Variants in VIPR2 observed in about 807,000 individuals in gnomAD.
VIPR2 encodes the protein vasoactive intestinal peptide receptor 2, also known as vasoactive intestinal polypeptide receptor 2.
A neutral mutation model predicts 58.0 loss-of-function variants in VIPR2; 48 were observed. The ratio of observed to expected loss-of-function variants is 0.83; its 90% CI spans 0.66 to 1.05. VIPR2 has a LOEUF of 1.05. VIPR2 is among the 50% of genes least tolerant of loss of function. VIPR2 has a pLI of 0.00. For synonymous variants in VIPR2, 243 were observed against 235.2 expected (o/e 1.03, Z -0.30); for missense variants, 534 against 558.0 (o/e 0.96, Z 0.43).
chr7:159,084,351 G>C (rs1585445034), intron 4 of VIPR2, among the ~76,000 whole-genome samples: 1 of 152,232 alleles, frequency 6.6e-6, no homozygotes, highest in Non-Finnish European at 1.5e-5. Context: ...GATGGGGCAG[G>C]CGGCTGGGCA....
At chr7:159,078,994 A>G (rs75105317) in intron 4 of VIPR2, among the ~76,000 whole-genome samples, 2,043 of 152,184 alleles carry the variant, frequency 0.013, 27 homozygotes, top group Admixed American at 0.029. Flanking sequence ...ACCAAGCAAC[A>G]ACCTGGAGGG....
At chr7:159,115,109 A>C (rs940949324) in intron 2 of VIPR2, among the ~76,000 whole-genome samples, 1 of 152,260 alleles carries the variant, frequency 6.6e-6, no homozygotes, top group Non-Finnish European at 1.5e-5. Flanking sequence ...AATTAAAAGG[A>C]GATGCAGTTA....
chr7:159,106,361 A>G (rs1010601832), intron 3 of VIPR2, among the ~76,000 whole-genome samples: 17 of 152,280 alleles, frequency 1.1e-4, no homozygotes, highest in African/African-American at 3.6e-4. Context: ...AGGACAGGAA[A>G]TGACTGAGGT....
intron 4 of VIPR2, among the ~76,000 whole-genome samples, chr7:159,102,618 G>T (rs982891682): frequency 1.3e-5 from 2 of 152,190 alleles, no homozygotes; most frequent in African/African-American, 4.8e-5. Context: ...AGCAAAGGAG[G>T]CCTCTGTAAG....
intron 10 of VIPR2, among the ~76,000 whole-genome samples, chr7:159,032,834 A>G (rs952052481): frequency 3.3e-5 from 5 of 152,074 alleles, no homozygotes; most frequent in Admixed American, 3.3e-4. Context: ...ATAGAAACTA[A>G]ACAAGATTCA....
rs569973171 is a variant in VIPR2, at chr7:159,126,378, A to G, written c.151+16068T>C. ...TTGCAAGTGATATGAGGAGAGCTAC[A>G]TCTATGCATTCGCCAAGCTGGGTAT... is the stretch of plus-strand genomic sequence containing the variant. On this transcript the variant is annotated intron_variant, in intron 2 of 12. Transcript: ENST00000262178. Among the ~76,000 whole-genome samples, 11 of 152,390 alleles carry G rather than the reference A, an allele frequency of 7.2e-5. 1 individual carries two copies. The South Asian group carries it at 2.1e-3, about 29-fold the overall frequency.
intron 1 of VIPR2, among the ~76,000 whole-genome samples, chr7:159,143,978 G>A (rs551234777): frequency 4.6e-5 from 7 of 152,362 alleles, no homozygotes; most frequent in Admixed American, 2.6e-4. Flanking sequence ...GGTCAGCAGC[G>A]CAGCCTCCCA....
At chr7:159,120,960 C>T (rs1292003869) in intron 2 of VIPR2, among the ~76,000 whole-genome samples, 1 of 152,212 alleles carries the variant, frequency 6.6e-6, no homozygotes, top group African/African-American at 2.4e-5. Context: ...CCTACTTTGC[C>T]GCCTCCTGGC....
At chr7:159,133,186 T>A (rs1797051600) in intron 2 of VIPR2, among the ~76,000 whole-genome samples, 1 of 152,310 alleles carries the variant, frequency 6.6e-6, no homozygotes, top group South Asian at 2.1e-4. Context: ...TAACTCAGAT[T>A]TTGGCCTCTT....
At position 159,119,965 on chromosome 7, in the gene VIPR2, G is replaced by C. The variant is rs189040338; in HGVS notation, c.152-10046C>G. ...AATGCTTGTCCCCTTGATGCACAAA[G>C]CCTGGTAGGTGGGGTCGGAAGAAAT... On this transcript the variant is annotated intron_variant, in intron 2 of 12. Transcript: ENST00000262178. Among the ~76,000 whole-genome samples, 106 of 152,074 alleles carry C rather than the reference G, an allele frequency of 7.0e-4. 1 individual carries two copies. Among genetic ancestry groups the C allele is most frequent in the African/African-American group, 2.4e-3 (100 of 41,384 alleles).
chr7:159,061,975 C>T (rs1246785025), intron 4 of VIPR2, among the ~76,000 whole-genome samples: 1 of 152,224 alleles, frequency 6.6e-6, no homozygotes, highest in Non-Finnish European at 1.5e-5. Flanking sequence ...GGCGGAAAGC[C>T]TGAAGCCTCT....
chr7:159,104,624 T>C (rs1328724603), intron 3 of VIPR2, among the ~76,000 whole-genome samples: 82 of 76,134 alleles, frequency 1.1e-3, no homozygotes, highest in African/African-American at 3.0e-3. Context: ...CTGGCAGCAC[T>C]CTCCCTCCTC....
chr7:159,069,731 T>C (rs980794507), intron 4 of VIPR2, among the ~76,000 whole-genome samples: 6 of 152,200 alleles, frequency 3.9e-5, no homozygotes, highest in Admixed American at 2.0e-4. Context: ...CTGCTCCATT[T>C]TTCCCCCCAA....
chr7:159,096,591 C>G lies in VIPR2; in HGVS notation c.357+7166G>C, dbSNP rs2075180. 0.18 allele frequency among the ~76,000 whole-genome samples: 27,327 copies of G among 152,246 alleles called. 4,224 individuals are homozygous for G. Among genetic ancestry groups the G allele is most frequent in the African/African-American group, 0.42 (17,473 of 41,508 alleles). On this transcript the variant is annotated intron_variant, in intron 4 of 12. Coordinates refer to ENST00000262178, the MANE Select transcript of VIPR2 (RefSeq NM_003382.5). This position sits in a 1 kb window ranked among gnomAD's most constrained non-coding sequence, Gnocchi z 5.5. ...CACCAGCGTATCTGTGCATTTCCTT[C>G]TTAACCTCCTTCCCTGGTCCCGTAT...
intron 3 of VIPR2, among the ~76,000 whole-genome samples, chr7:159,109,067 CTT>C (rs1795886866): frequency 6.6e-6 from 1 of 152,236 alleles, no homozygotes; most frequent in Admixed American, 6.5e-5. Context: ...AGTCTTTACC[CTT>C]TAACCTCTGT....
At chr7:159,030,922 G>A in intron 12 of VIPR2, 133 bp from the exon 13 acceptor site, 1 of 1,220,026 alleles carries the variant, frequency 8.2e-7, no homozygotes, top group Non-Finnish European at 1.1e-6. Context: ...CAGATGGACA[G>A]AAACAGAAAC....
chr7:159,134,505 TGG>T (rs1455364213), intron 2 of VIPR2, among the ~76,000 whole-genome samples: 3 of 152,004 alleles, frequency 2.0e-5, no homozygotes, highest in Non-Finnish European at 2.9e-5. Flanking sequence ...AAAAACTGAG[TGG>T]GTATACACAG....
At chr7:159,055,775 T>C (rs1855284958) in intron 5 of VIPR2, among the ~76,000 whole-genome samples, 1 of 152,256 alleles carries the variant, frequency 6.6e-6, no homozygotes, top group Non-Finnish European at 1.5e-5. Context: ...AGCATGCTTT[T>C]GGTCCAGTTA....
chr7:159,144,237 A>T, intron 1 of VIPR2: 1 of 1,318,916 alleles, frequency 7.6e-7, no homozygotes, highest in African/African-American at 1.5e-5. Context: ...GGAAAAAGCA[A>T]CTATTTCCAA....
Sources: gnomAD v4.1 joint callset for allele counts (sites outside exome capture counted in the v4.1 genomes callset) on GRCh38, gnomAD v4.1.1 for gene constraint, Gnocchi (gnomAD v3.1) non-coding constraint, MANE v1.5 for transcripts, NCBI Gene and HGNC (gene_info 2026-07-23, HGNC 2026-07-21) for gene names.